The following CTNNBL1 variants were observed in gnomAD, a reference collection of about 807,000 sequenced individuals.
The protein encoded by CTNNBL1 is beta-catenin-like protein 1.
CTNNBL1 carries 31 observed loss-of-function variants against 72.7 expected under a neutral mutation model. The ratio of observed to expected loss-of-function variants is 0.43; its 90% CI spans 0.32 to 0.58. CTNNBL1 has a LOEUF of 0.58. Among genes scored for constraint, CTNNBL1 ranks in the 20% least tolerant of loss-of-function variants. The probability of loss-of-function intolerance (pLI) is 0.08; values close to 1 mark genes in which losing one functional copy is unlikely to be tolerated. For missense variants in CTNNBL1, 534 were observed against 725.1 expected (o/e 0.74, Z 3.03); for synonymous variants, 240 against 267.3 (o/e 0.90, Z 1.00).
At chr20:37,852,839 C>A (rs2072408872) in intron 13 of CTNNBL1, among the ~76,000 whole-genome samples, 1 of 152,192 alleles carries the variant, frequency 6.6e-6, no homozygotes, top group Non-Finnish European at 1.5e-5. Context: ...TGATCTCGTG[C>A]AGGCTTCCTG....
At chr20:37,791,552 G>C (rs776225408) in intron 10 of CTNNBL1, among the ~76,000 whole-genome samples, 2 of 152,100 alleles carry the variant, frequency 1.3e-5, no homozygotes, top group South Asian at 2.1e-4. Flanking sequence ...GGGGTAAGGG[G>C]TTATTTGTCT....
At chr20:37,705,645 C>G (rs2072879035) in intron 1 of CTNNBL1, among the ~76,000 whole-genome samples, 1 of 152,186 alleles carries the variant, frequency 6.6e-6, no homozygotes, top group African/African-American at 2.4e-5. Flanking sequence ...AGAATTATGT[C>G]ATCACCATAG....
chr20:37,864,687 A>G (rs145606393), intron 15 of CTNNBL1, among the ~76,000 whole-genome samples: 1 of 152,244 alleles, frequency 6.6e-6, no homozygotes, highest in Non-Finnish European at 1.5e-5. Flanking sequence ...CCACAAAGAG[A>G]AGGGCAGATG....
intron 11 of CTNNBL1, among the ~76,000 whole-genome samples, chr20:37,828,860 T>C (rs2072183744): frequency 1.3e-5 from 2 of 152,200 alleles, no homozygotes; most frequent in Admixed American, 6.5e-5. Flanking sequence ...CCACATCCCC[T>C]GCTAGGCAGA....
At chr20:37,742,732 A>T (rs6020606) in intron 3 of CTNNBL1, among the ~76,000 whole-genome samples, 4 of 151,944 alleles carry the variant, frequency 2.6e-5, no homozygotes, top group East Asian at 3.8e-4. Context: ...GATTAAAAAA[A>T]AATAATAAAA....
intron 11 of CTNNBL1, among the ~76,000 whole-genome samples, chr20:37,805,241 A>G (rs545661488): frequency 6.6e-6 from 1 of 152,360 alleles, no homozygotes; most frequent in African/African-American, 2.4e-5. Context: ...GCTAGAGCAC[A>G]GTGGCCTCAG....
chr20:37,751,674 C>T, intron 4 of CTNNBL1: 1 of 152,158 alleles, frequency 6.6e-6, no homozygotes, highest in East Asian at 1.9e-4. Flanking sequence ...AAGGTGCGTA[C>T]AGTAGTCAAG....
chr20:37,767,423 TC>T (rs2073479501), intron 6 of CTNNBL1, among the ~76,000 whole-genome samples: 1 of 152,206 alleles, frequency 6.6e-6, no homozygotes, highest in South Asian at 2.1e-4. Context: ...GCATGGCCTT[TC>T]CCCTCTGTGC....
Position 37,732,007 on chromosome 20 carries a change from G to A in CTNNBL1, c.31-872G>A, listed in dbSNP as rs538314255. ...CCTCCATCTGTTTTCCATCATGGCTGTATTAATTTGTGTTTCCATCAACAG... is the reference window on the plus strand; with the variant it reads ...CCTCCATCTGTTTTCCATCATGGCTATATTAATTTGTGTTTCCATCAACAG... On this transcript the variant is annotated intron_variant, in intron 1 of 15. Coordinates refer to ENST00000361383, the MANE Select transcript of CTNNBL1 (RefSeq NM_030877.5). Among the ~76,000 whole-genome samples, 9 of 152,262 alleles carry A rather than the reference G, an allele frequency of 5.9e-5. No individual in the cohort carries two copies. The South Asian group carries it at 1.7e-3, about 28-fold the overall frequency.
At chr20:37,757,521 C>T (rs373463773) in intron 4 of CTNNBL1, 38 bp from the exon 5 acceptor site, 97 of 1,417,734 alleles carry the variant, frequency 6.8e-5, no homozygotes, top group East Asian at 1.2e-4. Flanking sequence ...ATACTGGTAC[C>T]GTTTCAGTAT....
At chr20:37,789,128 C>T (rs1158532826) in intron 10 of CTNNBL1, among the ~76,000 whole-genome samples, 1 of 152,146 alleles carries the variant, frequency 6.6e-6, no homozygotes, top group Non-Finnish European at 1.5e-5. Context: ...AAAGGAATTT[C>T]TCATTTGCTC....
intron 3 of CTNNBL1, among the ~76,000 whole-genome samples, chr20:37,741,602 C>G (rs2073216311): frequency 6.6e-6 from 1 of 152,272 alleles, no homozygotes. Context: ...TAATGGAGGC[C>G]AGAAACTGGG....
At chr20:37,769,487 C>T (rs1014864501) in intron 7 of CTNNBL1, among the ~76,000 whole-genome samples, 3 of 152,238 alleles carry the variant, frequency 2.0e-5, no homozygotes, top group East Asian at 3.9e-4. Context: ...TGTTGATTAG[C>T]CATTTGTATT....
chr20:37,840,209 T>C lies in CTNNBL1; in HGVS notation c.1311+10T>C. ...AAATGACAGTGAGAAGGTGGGTGAC[T>C]GTTGGACTGTAAAGCTGGGACCGGG... On this transcript the variant is annotated intron_variant, in intron 12 of 15. Transcript: ENST00000361383. 2 of 1,589,644 alleles carry C rather than the reference T, an allele frequency of 1.3e-6. No homozygotes were observed. The highest frequency in any genetic ancestry group is 1.7e-6 in the Non-Finnish European group (2 of 1,158,462).
intron 7 of CTNNBL1, among the ~76,000 whole-genome samples, chr20:37,776,005 T>C (rs760746508): frequency 1.3e-5 from 2 of 152,240 alleles, no homozygotes; most frequent in African/African-American, 2.4e-5. Flanking sequence ...CGCAAATCCT[T>C]GATTTTGATA....
intron 15 of CTNNBL1, among the ~76,000 whole-genome samples, chr20:37,868,666 C>T (rs990426922): frequency 9.9e-5 from 15 of 152,274 alleles, no homozygotes; most frequent in African/African-American, 3.6e-4. Context: ...AGGATGGGTG[C>T]TCTGTGTACC....
chr20:37,713,995 A>G (rs969510319), intron 1 of CTNNBL1, among the ~76,000 whole-genome samples: 1 of 152,116 alleles, frequency 6.6e-6, no homozygotes. Flanking sequence ...GAGGTTTGGT[A>G]ACTTGCCCAA....
At chr20:37,724,288 CCTT>C (rs1208726013) in intron 1 of CTNNBL1, among the ~76,000 whole-genome samples, 11 of 152,198 alleles carry the variant, frequency 7.2e-5, no homozygotes, top group African/African-American at 2.6e-4. Context: ...CCCTGTCTGA[CCTT>C]CTTATTGAAA....
chr20:37,769,081 TA>T (rs1177679061), intron 7 of CTNNBL1, among the ~76,000 whole-genome samples: 1 of 152,182 alleles, frequency 6.6e-6, no homozygotes, highest in Non-Finnish European at 1.5e-5. Context: ...GCCTGGCCTA[TA>T]AATTAAACTT....
Sources: gnomAD v4.1 joint callset for allele counts (sites outside exome capture counted in the v4.1 genomes callset) on GRCh38, gnomAD v4.1.1 for gene constraint, MANE v1.5 for transcripts, NCBI Gene and HGNC (gene_info 2026-07-23, HGNC 2026-07-21) for gene names.